Variants in PRRT3 observed in about 807,000 individuals in gnomAD.
The protein encoded by PRRT3 is proline-rich transmembrane protein 3.
A neutral mutation model predicts 56.6 loss-of-function variants in PRRT3; 48 were observed. That is an observed-to-expected ratio of 0.85 (90% CI 0.67 to 1.08). The LOEUF is 1.08. Ranked by LOEUF, PRRT3 falls within the 50% of genes least tolerant of loss-of-function variation. PRRT3 has a pLI of 0.00. For missense variants in PRRT3, 1,370 were observed against 1,353.1 expected (o/e 1.01, Z -0.20); for synonymous variants, 641 against 619.1 (o/e 1.04, Z -0.52).
chr3:9,949,063 GC>G lies in PRRT3; in HGVS notation c.1015+37del, dbSNP rs2085575743. On this transcript the variant is annotated intron_variant, in intron 2 of 3. Coordinates refer to ENST00000412055, the MANE Select transcript of PRRT3 (RefSeq NM_207351.5). This position sits in a 1 kb window ranked among gnomAD's most constrained non-coding sequence, Gnocchi z 4.5. ...TCAAACAGAATTGAGGCATCCAGCT[GC>G]CCCAGAACATCGCTCAGCACACTCA... 1 of 1,544,042 alleles carries G rather than the reference GC, an allele frequency of 6.5e-7. No homozygotes were observed. Among genetic ancestry groups the G allele is most frequent in the East Asian group, 2.3e-5 (1 of 44,434 alleles).
Position 9,949,152 on chromosome 3 carries a change from G to A in PRRT3, c.964C>T (p.Gln322Ter). Reference protein sequence around the residue: ...LPDAKDSPGPQPTDPPASEAP... With the variant: ...LPDAKDSPGP The stretch of plus-strand genomic sequence containing the variant: ...TCTGAGGCGGGTGGATCCGTGGGCT[G>A]GGGTCCTGGTGAATCCTTAGCGTCA... Residue 322 changes from glutamine to a stop codon, truncating the protein, a stop_gained, in exon 2 of 4, where the codon CAG becomes TAG. Transcript: ENST00000412055. LOFTEE classifies it high-confidence loss of function. The surrounding 1 kb of genome is among the most constrained non-coding windows in gnomAD (Gnocchi z 4.5). 6.2e-7 allele frequency: 1 copy of A among 1,611,778 alleles called. No homozygotes were observed. The highest frequency in any genetic ancestry group is 8.5e-7 in the Non-Finnish European group (1 of 1,179,306).
At position 9,949,417 on chromosome 3, in the gene PRRT3, C is replaced by T; in HGVS notation, c.699G>A (p.Leu233=). 3 of 1,613,924 alleles carry T rather than the reference C, an allele frequency of 1.9e-6. No homozygotes were observed. Among genetic ancestry groups the T allele is most frequent in the Non-Finnish European group, 2.5e-6 (3 of 1,179,972 alleles). The change falls in exon 2 of 4, where the codon TTG becomes TTA. Residue 233 remains leucine, a synonymous_variant. Coordinates refer to ENST00000412055, the MANE Select transcript of PRRT3 (RefSeq NM_207351.5). This position sits in a 1 kb window ranked among gnomAD's most constrained non-coding sequence, Gnocchi z 4.5. ...LEGQGGFEEH[L]QEAAQGPHFT... is the part of the protein sequence containing the mutation. ...AGTGGGGACCTTGAGCTGCCTCCTG[C>T]AAGTGTTCCTCAAACCCACCCTGTC... is the stretch of plus-strand genomic sequence containing the variant.
intron 3 of PRRT3, 193 bp from the exon 4 acceptor site, chr3:9,948,194 G>T (rs2085562257): frequency 2.2e-6 from 1 of 465,114 alleles, no homozygotes; most frequent in Non-Finnish European, 3.5e-6. Flanking sequence ...AGTGCTAAAT[G>T]GATGTCAGCT....
At position 9,950,166 on chromosome 3, in the gene PRRT3, G is replaced by C; in HGVS notation, c.-51C>G. On this transcript the variant is annotated 5_prime_UTR_variant, in exon 2 of 4. The change creates a new upstream start codon in the 5' untranslated region. Coordinates refer to ENST00000412055, the MANE Select transcript of PRRT3 (RefSeq NM_207351.5). ...AGCCCCCACCTTCCAGTCCTCACTG[G>C]ATGAGCCTAAAAAAAAAACAGGGCA... is the stretch of plus-strand genomic sequence containing the variant. 1 of 1,324,362 alleles carries C rather than the reference G, an allele frequency of 7.6e-7. No homozygotes were observed. The highest frequency in any genetic ancestry group is 1.5e-5 in the African/African-American group (1 of 66,886). The allele number at this position is 1,324,362 out of a possible 1,614,324, so 82.0% of individuals were successfully genotyped here.
Position 9,947,738 on chromosome 3 carries a change from C to T in PRRT3, c.1435G>A (p.Gly479Arg). 6.5e-7 allele frequency: 1 copy of T among 1,544,962 alleles called. No homozygotes were observed. Among genetic ancestry groups the T allele is most frequent in the Non-Finnish European group, 8.7e-7 (1 of 1,150,340 alleles). ...FSWELHVYGV[G>R]VLFLLPALLA... ...AACGCGGGCAGCAGAAAGAGTACCC[C>T]CACCCCGTAGACGTGCAGCTCCCAG... Residue 479 changes from glycine to arginine, a missense_variant, in exon 4 of 4, where the codon GGG becomes AGG. Physicochemically the swap from Gly to Arg is moderately radical, Grantham distance 125 (BLOSUM62 -2). Transcript: ENST00000412055. The surrounding 1 kb of genome is among the most constrained non-coding windows in gnomAD (Gnocchi z 9.2).
intron 1 of PRRT3, among the ~76,000 whole-genome samples, chr3:9,951,842 C>CA (rs1338642794): frequency 6.6e-6 from 1 of 152,244 alleles, no homozygotes; most frequent in Non-Finnish European, 1.5e-5. Context: ...TGAGTGGACA[C>CA]AATCGGGGTT....
chr3:9,951,076 C>T (rs1045919488), intron 1 of PRRT3, among the ~76,000 whole-genome samples: 2 of 152,354 alleles, frequency 1.3e-5, no homozygotes, highest in East Asian at 1.9e-4. Context: ...TCCCGCCTTC[C>T]TTCCCTCATC....
chr3:9,951,070 G>A (rs949822944), intron 1 of PRRT3, among the ~76,000 whole-genome samples: 4 of 152,212 alleles, frequency 2.6e-5, no homozygotes, highest in East Asian at 1.9e-4. Context: ...TCCTCTTCCC[G>A]CCTTCCTTCC....
At position 9,947,902 on chromosome 3, in the gene PRRT3, G is replaced by C. The variant is rs776835287; in HGVS notation, c.1271C>G (p.Thr424Arg). ...GGGAGGCTGGCCCAGGGCTCGCTGCGTGGTGACTCGAATGAGGCCCCGGCG... is the reference window on the plus strand; with the variant it reads ...GGGAGGCTGGCCCAGGGCTCGCTGCCTGGTGACTCGAATGAGGCCCCGGCG... ...TSRRGLIRVTTQRALGQPPPP... is the reference protein window; with the variant it reads ...TSRRGLIRVTRQRALGQPPPP... Residue 424 changes from threonine (T) to arginine (R), a missense_variant, in exon 4 of 4, where the codon ACG (threonine) becomes AGG (arginine). By Grantham distance (71) the Thr-to-Arg change is moderately conservative (BLOSUM62 -1). Transcript: ENST00000412055. The surrounding 1 kb of genome is among the most constrained non-coding windows in gnomAD (Gnocchi z 9.2). 2.8e-6 allele frequency: 4 copies of C among 1,426,232 alleles called. No individual in the cohort carries two copies. The highest frequency in any genetic ancestry group is 1.5e-5 in the African/African-American group (1 of 66,744). 88.3% of individuals were successfully genotyped at this position (1,426,232 alleles called of 1,614,324 possible).
At position 9,947,308 on chromosome 3, in the gene PRRT3, C is replaced by T. The variant is rs1056610570; in HGVS notation, c.1865G>A (p.Arg622His). 4.4e-6 allele frequency: 7 copies of T among 1,588,454 alleles called. No individual in the cohort carries two copies. Among genetic ancestry groups the T allele is most frequent in the East Asian group, 2.3e-5 (1 of 43,484 alleles). ...VALGTLCLCR[R>H]RLLDGPRGWD... is the part of the protein sequence containing the mutation. ...GCCCCGTGGGCCGTCCAGCAGGCGG[C>T]GACGGCACAGGCAGAGCGTGCCCAG... Residue 622 changes from arginine to histidine, a missense_variant, in exon 4 of 4, where the codon CGC becomes CAC. Coordinates refer to ENST00000412055, the MANE Select transcript of PRRT3 (RefSeq NM_207351.5). The surrounding 1 kb of genome is among the most constrained non-coding windows in gnomAD (Gnocchi z 9.2).
At position 9,948,010 on chromosome 3, in the gene PRRT3, A is replaced by C. The variant is rs776442932; in HGVS notation, c.1172-9T>G. On this transcript the variant is annotated splice_polypyrimidine_tract_variant and intron_variant, in intron 3 of 3. Transcript: ENST00000412055. ...CCACTCCTCGGCTTCATCTGCAATTATAACAATATTAAAATAGCCATTTGA... is the reference window on the plus strand; with the variant it reads ...CCACTCCTCGGCTTCATCTGCAATTCTAACAATATTAAAATAGCCATTTGA... The C allele has an allele frequency of 1.5e-6, 2 of 1,320,550 alleles. No individual in the cohort carries two copies. Among genetic ancestry groups the C allele is most frequent in the African/African-American group, 3.0e-5 (2 of 65,820 alleles). The allele number at this position is 1,320,550 out of a possible 1,614,324, so 81.8% of individuals were successfully genotyped here.
Position 9,949,204 on chromosome 3 carries a change from A to C in PRRT3, c.912T>G (p.Gly304=). The change falls in exon 2 of 4, where the codon GGT becomes GGG. Residue 304 remains glycine, a synonymous_variant. Coordinates refer to ENST00000412055, the MANE Select transcript of PRRT3 (RefSeq NM_207351.5). The surrounding 1 kb of genome is among the most constrained non-coding windows in gnomAD (Gnocchi z 4.5). The part of the protein sequence containing the change: ...AEVSWEVSSP[G]PPPKQADLPD... ...GAAGGTCAGCCTGCTTGGGCGGGGG[A>C]CCTGGGGAGCTGACTTCCCAGGACA... 6.2e-7 allele frequency: 1 copy of C among 1,608,844 alleles called. No individual in the cohort carries two copies. The highest frequency in any genetic ancestry group is 8.5e-7 in the Non-Finnish European group (1 of 1,177,930).
chr3:9,949,557 C>T lies in PRRT3; in HGVS notation c.559G>A (p.Gly187Ser). 6.2e-7 allele frequency: 1 copy of T among 1,614,044 alleles called. No individual in the cohort carries two copies. The highest frequency in any genetic ancestry group is 1.1e-5 in the South Asian group (1 of 91,074). ...CTGCTCTTAGTTTTGGCCTTCAGAC[C>T]CTCATCTCTAGGTGGCCACTGTCCC... ...QEGQWPPRDEGLKAKTKSRVP... is the reference protein window; with the variant it reads ...QEGQWPPRDESLKAKTKSRVP... The change falls in exon 2 of 4, where the codon GGT (glycine) becomes AGT (serine). Residue 187 changes from glycine (G) to serine (S), a missense_variant. By Grantham distance (56) the Gly-to-Ser change is moderately conservative. Transcript: ENST00000412055. This position sits in a 1 kb window ranked among gnomAD's most constrained non-coding sequence, Gnocchi z 4.5.
rs1201349735 is a variant in PRRT3, at chr3:9,947,912, G to C, written c.1261C>G (p.Arg421Gly). 12 of 1,421,722 alleles carry C rather than the reference G, an allele frequency of 8.4e-6. No homozygotes were observed. Among genetic ancestry groups the C allele is most frequent in the Non-Finnish European group, 9.2e-6 (10 of 1,090,858 alleles). The allele number at this position is 1,421,722 out of a possible 1,614,324, so 88.1% of individuals were successfully genotyped here. The stretch of plus-strand genomic sequence containing the variant: ...CCCAGGGCTCGCTGCGTGGTGACTC[G>C]AATGAGGCCCCGGCGTGACGTCGAG... ...APSTSRRGLI[R>G]VTTQRALGQP... Residue 421 changes from arginine (R) to glycine (G), a missense_variant, in exon 4 of 4, where the codon CGA (arginine) becomes GGA (glycine). Coordinates refer to ENST00000412055, the MANE Select transcript of PRRT3 (RefSeq NM_207351.5). This position sits in a 1 kb window ranked among gnomAD's most constrained non-coding sequence, Gnocchi z 9.2.
chr3:9,950,115 T>TG lies in PRRT3; in HGVS notation c.-1dup. 1 of 1,463,374 alleles carries TG rather than the reference T, an allele frequency of 6.8e-7. No homozygotes were observed. Among genetic ancestry groups the TG allele is most frequent in the Non-Finnish European group, 9.0e-7 (1 of 1,107,090 alleles). The allele number at this position is 1,463,374 out of a possible 1,614,324, so 90.6% of individuals were successfully genotyped here. A position where few individuals can be genotyped will look rare whatever the true frequency, so the allele number is the denominator to read the frequency against. On this transcript the variant is annotated 5_prime_UTR_variant, in exon 2 of 4. Transcript: ENST00000412055. ...ACACAGCCCCATGGGCTGGAGGCCA[T>TG]GGTCTACTCCGATGCCTGGGCCTAA...
Position 9,947,883 on chromosome 3 carries a change from C to T in PRRT3, c.1290G>A (p.Gln430=). 1 of 1,428,916 alleles carries T rather than the reference C, an allele frequency of 7.0e-7. No individual in the cohort carries two copies. Among genetic ancestry groups the T allele is most frequent in the Non-Finnish European group, 9.2e-7 (1 of 1,092,366 alleles). 88.5% of individuals were successfully genotyped at this position (1,428,916 alleles called of 1,614,324 possible). Reference sequence around the variant, plus strand: ...TGGCGGTGGGCTCCGGAGGGGGAGGCTGGCCCAGGGCTCGCTGCGTGGTGA... The same window carrying T: ...TGGCGGTGGGCTCCGGAGGGGGAGGTTGGCCCAGGGCTCGCTGCGTGGTGA... ...IRVTTQRALG[Q]PPPPEPTASS... is the part of the protein sequence containing the mutation. The change falls in exon 4 of 4, where the codon CAG becomes CAA. Residue 430 remains glutamine, a synonymous_variant. Transcript: ENST00000412055. The surrounding 1 kb of genome is among the most constrained non-coding windows in gnomAD (Gnocchi z 9.2).
chr3:9,949,756 T>C lies in PRRT3; in HGVS notation c.360A>G (p.Gln120=), dbSNP rs770024892. The C allele has an allele frequency of 3.1e-6, 5 of 1,614,194 alleles. No individual in the cohort carries two copies. In the South Asian group the frequency reaches 5.5e-5, roughly 18 times the overall value. ...LPVTDDLQMA[Q]GPSSHGWTGP... is the part of the protein sequence containing the mutation. ...CTGTCCAGCCGTGGGAGCTTGGTCC[T>C]TGAGCCATCTGGAGGTCATCAGTTA... The change falls in exon 2 of 4, where the codon CAA becomes CAG. Residue 120 remains glutamine (Q), a synonymous_variant. Coordinates refer to ENST00000412055, the MANE Select transcript of PRRT3 (RefSeq NM_207351.5). This position sits in a 1 kb window ranked among gnomAD's most constrained non-coding sequence, Gnocchi z 4.5.
chr3:9,949,259 A>G lies in PRRT3; in HGVS notation c.857T>C (p.Val286Ala). The change falls in exon 2 of 4, where the codon GTT becomes GCT. Residue 286 changes from valine to alanine, a missense_variant. Physicochemically the swap from Val to Ala is moderately conservative, Grantham distance 64. Coordinates refer to ENST00000412055, the MANE Select transcript of PRRT3 (RefSeq NM_207351.5). This position sits in a 1 kb window ranked among gnomAD's most constrained non-coding sequence, Gnocchi z 4.5. ...RSLPPAEELP[V>A]ETPKRAGAEV... ...AGCGCCAGCCCTCTTGGGGGTCTCA[A>G]CCGGCAGCTCCTCAGCAGGAGGAAG... is the stretch of plus-strand genomic sequence containing the variant. 1 of 1,603,194 alleles carries G rather than the reference A, an allele frequency of 6.2e-7. No individual in the cohort carries two copies. Among genetic ancestry groups the G allele is most frequent in the Non-Finnish European group, 8.5e-7 (1 of 1,173,642 alleles).
intron 1 of PRRT3, among the ~76,000 whole-genome samples, chr3:9,952,038 G>T (rs1003166413): frequency 6.6e-6 from 1 of 152,236 alleles, no homozygotes; most frequent in Non-Finnish European, 1.5e-5. Context: ...GAGAGGCTGT[G>T]GGGGGTGGCG....
Sources: allele counts gnomAD v4.1 joint callset (sites outside exome capture counted in the v4.1 genomes callset), GRCh38; gene constraint gnomAD v4.1.1; non-coding constraint Gnocchi (gnomAD v3.1); transcripts MANE v1.5; gene names NCBI Gene and HGNC (gene_info 2026-07-23, HGNC 2026-07-21).